The following GSN variants were observed in gnomAD, a reference collection of about 807,000 sequenced individuals.
The protein encoded by GSN is actin-depolymerizing factor.
In GSN, 56 loss-of-function variants were observed where a neutral mutation model predicts 85.7. That is an observed-to-expected ratio of 0.65 (90% confidence interval 0.53 to 0.82). The LOEUF (loss-of-function observed/expected upper bound fraction) is 0.82. GSN is among the 40% of genes least tolerant of loss of function. The pLI, the probability that GSN is intolerant of heterozygous loss-of-function variation, is 0.00. For missense variants in GSN, 857 were observed against 979.8 expected, an observed-to-expected ratio of 0.87 and a Z score of 1.67; for synonymous variants, 373 against 399.1, an observed-to-expected ratio of 0.93 and a Z score of 0.78.
upstream of GSN, among the ~76,000 whole-genome samples, chr9:121,206,464 T>A (rs1371556420): frequency 6.6e-6 from 1 of 152,206 alleles, no homozygotes; most frequent in African/African-American, 2.4e-5. Flanking sequence ...AAGTACATTC[T>A]GTATTCAATT....
chr9:121,332,699 A>AGT lies in GSN; in HGVS notation c.*115_*116dup, dbSNP rs147410423. On this transcript the variant is annotated 3_prime_UTR_variant, in exon 18 of 18. Coordinates refer to ENST00000432226, the MANE Select transcript of GSN (RefSeq NM_198252.3). This position sits in a 1 kb window ranked among gnomAD's most constrained non-coding sequence, Gnocchi z 4.8. ...GAGCGAGCAGAGCAGCTCTGCTATGAGTGTGTGTGTGTGTGTGTGTTGTTT... is the reference window on the plus strand; with the variant it reads ...GAGCGAGCAGAGCAGCTCTGCTATGAGTGTGTGTGTGTGTGTGTGTGTTGTTT... The AGT allele has an allele frequency of 9.1e-3, 6,402 of 703,970 alleles. 110 individuals are homozygous for AGT. Among genetic ancestry groups the AGT allele is most frequent in the African/African-American group, 0.064 (3,444 of 53,984 alleles). 43.6% of individuals were successfully genotyped at this position (703,970 alleles called of 1,614,324 possible).
chr9:121,292,042 G>T (rs1447208599), intron 2 of GSN, among the ~76,000 whole-genome samples: 1 of 152,154 alleles, frequency 6.6e-6, no homozygotes, highest in East Asian at 1.9e-4. Flanking sequence ...AACTACTGGT[G>T]CATGTCATCA....
chr9:121,332,782 A>T lies in GSN; in HGVS notation c.*179A>T, dbSNP rs1222400423. ...CCCTGCAAAAATTCAGAGTCCTTGC[A>T]AAATTGTCTAAAATGTCAGTGTTTG... On this transcript the variant is annotated 3_prime_UTR_variant, in exon 18 of 18. Transcript: ENST00000432226. The surrounding 1 kb of genome is among the most constrained non-coding windows in gnomAD (Gnocchi z 4.8). 1.7e-6 allele frequency: 1 copy of T among 594,050 alleles called. No individual in the cohort carries two copies. Among genetic ancestry groups the T allele is most frequent in the African/African-American group, 1.9e-5 (1 of 53,610 alleles). 36.8% of individuals were successfully genotyped at this position (594,050 alleles called of 1,614,324 possible). A position where few individuals can be genotyped will look rare whatever the true frequency, so the allele number is the denominator to read the frequency against.
intron 2 of GSN, 163 bp from the exon 3 acceptor site, chr9:121,301,800 G>A (rs1033477229): frequency 7.0e-5 from 77 of 1,094,502 alleles, no homozygotes; most frequent in South Asian, 2.0e-4. Context: ...TTGCTGACTC[G>A]TTGAGACAGG....
the GSN span, among the ~76,000 whole-genome samples, chr9:121,202,623 A>C: frequency 6.6e-6 from 1 of 151,984 alleles, no homozygotes; most frequent in African/African-American, 2.4e-5. Context: ...GGGTGCAGGG[A>C]CACGTTTTGA....
rs565720175 is a variant in GSN at position 121,328,682 on chromosome 9, ACTG to A, written c.1763-207_1763-205del. ...CAATAGTGGTCCTGGCTGTGTGACT[ACTG>A]CCAAGTCTGCCCTCTCTGGGCCTCT... On this transcript the variant is annotated intron_variant, in intron 14 of 17. Transcript: ENST00000432226. Among the ~76,000 whole-genome samples, 118 of 152,270 alleles carry A rather than the reference ACTG, an allele frequency of 7.7e-4. 2 individuals are homozygous for A. Among genetic ancestry groups the A allele is most frequent in the African/African-American group, 2.7e-3 (113 of 41,554 alleles).
In GSN at chr9:121,253,398, T is replaced by C. The variant is rs530263150; in HGVS notation, c.-341+5075T>C. On this transcript the variant is annotated intron_variant, in intron 6 of 24. Transcript: ENST00000373823. Reference sequence around the variant, plus strand: ...AGGGTTTGAGCTTGTTCAGTTCAGCTCCCATATTTCTTGTTATCTTTCCCT... The same window carrying C: ...AGGGTTTGAGCTTGTTCAGTTCAGCCCCCATATTTCTTGTTATCTTTCCCT... Among the ~76,000 whole-genome samples, 54 of 152,300 alleles carry C rather than the reference T, an allele frequency of 3.5e-4. No homozygotes were observed. In the South Asian group the frequency reaches 0.011, roughly 30 times the overall value.
intron 11 of GSN, 65 bp downstream of exon 11, chr9:121,321,466 G>C: frequency 3.2e-6 from 5 of 1,540,654 alleles, no homozygotes; most frequent in Admixed American, 3.4e-5. Context: ...CAGGGCTGAA[G>C]ACAAACTGAG....
intron 4 of GSN, among the ~76,000 whole-genome samples, chr9:121,216,611 T>C (rs950863232): frequency 2.6e-5 from 4 of 152,204 alleles, no homozygotes; most frequent in African/African-American, 4.8e-5. Context: ...CCAGGCCTTG[T>C]AATATCCTCC....
rs377624593 is a variant in GSN at position 121,313,993 on chromosome 9, G to A, written c.723G>A (p.Ala241=). Residue 241 remains alanine (A), a synonymous_variant, in exon 7 of 18, where the codon GCG becomes GCA. Coordinates refer to ENST00000432226, the MANE Select transcript of GSN (RefSeq NM_198252.3). The stretch of plus-strand genomic sequence containing the variant: ...CCGAGGACACCGCCAAGGAGGATGC[G>A]GCCAACCGCAAGCTGGCCAAGCTCT... ...AGTEDTAKED[A]ANRKLAKLYK... is the part of the protein sequence containing the mutation. The A allele has an allele frequency of 4.3e-6, 7 of 1,614,146 alleles. No individual in the cohort carries two copies. The Admixed American group carries it at 5.0e-5, about 12-fold the overall frequency.
intron 14 of GSN, 58 bp from the exon 15 acceptor site, chr9:121,328,833 G>T: frequency 6.3e-7 from 1 of 1,588,486 alleles, no homozygotes. Flanking sequence ...AGGGTCCGAT[G>T]AGATGGGAGA....
chr9:121,310,522 T>C (rs1589045572), intron 4 of GSN, 162 bp from the exon 5 acceptor site: 1 of 719,522 alleles, frequency 1.4e-6, no homozygotes, highest in African/African-American at 1.7e-5. Flanking sequence ...TCAAACAAGA[T>C]AATGGGTATG....
At chr9:121,211,663 G>A (rs1460876167) in intron 4 of GSN, among the ~76,000 whole-genome samples, 1 of 151,934 alleles carries the variant, frequency 6.6e-6, no homozygotes, top group East Asian at 1.9e-4. Flanking sequence ...CCCCTCTCTG[G>A]GCCTCAATTT....
upstream of GSN, chr9:121,203,346 G>C (rs1393195964): frequency 6.6e-6 from 1 of 151,834 alleles, no homozygotes; most frequent in Non-Finnish European, 1.5e-5. Context: ...GATGGAGCAG[G>C]TCAAAACTCC....
upstream of GSN, among the ~76,000 whole-genome samples, chr9:121,203,914 G>A (rs79658572): frequency 0.12 from 17,737 of 152,210 alleles, 1,205 homozygotes; most frequent in East Asian, 0.18. Context: ...AGAGGTCTAG[G>A]CTTCTATTTC....
At chr9:121,315,561 C>T (rs1476540691) in intron 7 of GSN, among the ~76,000 whole-genome samples, 3 of 152,012 alleles carry the variant, frequency 2.0e-5, no homozygotes, top group South Asian at 2.1e-4. Context: ...GTCAGGAGTT[C>T]GAGACCAGCC....
rs538793251 is a variant in GSN at position 121,329,079 on chromosome 9, C to T, written c.1887+64C>T. 2.6e-5 allele frequency: 41 copies of T among 1,596,540 alleles called. No homozygotes were observed. Among genetic ancestry groups the T allele is most frequent in the East Asian group, 1.1e-4 (5 of 44,522 alleles). ...GGGAGGCGAGTTCCACAGGACTGGC[C>T]GGCAGCAGGGGCAGGAGAAACAGTT... On this transcript the variant is annotated intron_variant, in intron 15 of 17. Transcript: ENST00000432226. The surrounding 1 kb of genome is among the most constrained non-coding windows in gnomAD (Gnocchi z 4.6).
intron 5 of GSN, among the ~76,000 whole-genome samples, chr9:121,243,026 C>A (rs533686942): frequency 6.6e-6 from 1 of 152,336 alleles, no homozygotes; most frequent in South Asian, 2.1e-4. Context: ...CAAATTACCA[C>A]AAACTTGGTA....
In GSN at chr9:121,313,664, C is replaced by T. The variant is rs540057750; in HGVS notation, c.664-270C>T. On this transcript the variant is annotated intron_variant, in intron 6 of 17. Coordinates refer to ENST00000432226, the MANE Select transcript of GSN (RefSeq NM_198252.3). ...AGTAGCTATAGTTATCACAATTAGC[C>T]GGTAGGCGAAATATCTGAAGCGCTG... is the stretch of plus-strand genomic sequence containing the variant. 1.9e-4 allele frequency: 100 copies of T among 530,428 alleles called. 1 individual carries two copies. The highest frequency in any genetic ancestry group is 1.2e-3 in the South Asian group (58 of 49,684). 32.9% of individuals were successfully genotyped at this position (530,428 alleles called of 1,614,324 possible). A position where few individuals can be genotyped will look rare whatever the true frequency, so the allele number is the denominator to read the frequency against.
Sources: gnomAD v4.1 joint callset for allele counts (sites outside exome capture counted in the v4.1 genomes callset) on GRCh38, gnomAD v4.1.1 for gene constraint, Gnocchi (gnomAD v3.1) non-coding constraint, MANE v1.5 for transcripts, NCBI Gene and HGNC (gene_info 2026-07-23, HGNC 2026-07-21) for gene names.